The following SBF2 variants were observed in gnomAD, a reference collection of about 807,000 sequenced individuals.
SBF2 encodes SET binding factor 2, also known as myotubularin-related protein 13.
In SBF2, 112 loss-of-function variants were observed where a neutral mutation model predicts 225.2. The observed-to-expected ratio is 0.50, with a 90% CI of 0.43 to 0.58. SBF2 has a LOEUF of 0.58. Among genes scored for constraint, SBF2 ranks in the 20% least tolerant of loss-of-function variants. The pLI, the probability that SBF2 is intolerant of heterozygous loss-of-function variation, is 0.00. For missense variants in SBF2, 1,996 were observed against 2,206.2 expected, an observed-to-expected ratio of 0.90 and a Z score of 1.91; for synonymous variants, 763 against 773.3, an observed-to-expected ratio of 0.99 and a Z score of 0.22.
chr11:9,826,227 A>C (rs555481455), intron 28 of SBF2, among the ~76,000 whole-genome samples: 5 of 152,338 alleles, frequency 3.3e-5, no homozygotes, highest in Middle Eastern at 3.4e-3. Context: ...AAATGATATT[A>C]ATCTCCACAT....
At chr11:9,878,291 T>C (rs1240543331) in intron 17 of SBF2, among the ~76,000 whole-genome samples, 3 of 152,232 alleles carry the variant, frequency 2.0e-5, no homozygotes, top group Admixed American at 2.0e-4. Context: ...TTCTGGATAT[T>C]AGTCCTTTGT....
intron 1 of SBF2, among the ~76,000 whole-genome samples, chr11:10,195,452 A>G (rs1957320401): frequency 6.6e-6 from 1 of 152,190 alleles, no homozygotes; most frequent in African/African-American, 2.4e-5. Flanking sequence ...TAAGATCTTC[A>G]TGTTCCTTGC....
intron 17 of SBF2, among the ~76,000 whole-genome samples, chr11:9,875,329 A>G (rs1859132165): frequency 6.6e-6 from 1 of 152,210 alleles, no homozygotes; most frequent in South Asian, 2.1e-4. Flanking sequence ...CAAGCTCCAG[A>G]GGATCATTTC....
intron 2 of SBF2, among the ~76,000 whole-genome samples, chr11:10,176,251 A>G (rs1956458416): frequency 6.7e-6 from 1 of 150,094 alleles, no homozygotes. Flanking sequence ...AAGATCCAAA[A>G]TTGACACCCT....
At chr11:10,106,329 A>G (rs894797894) in intron 2 of SBF2, among the ~76,000 whole-genome samples, 1 of 152,154 alleles carries the variant, frequency 6.6e-6, no homozygotes, top group Non-Finnish European at 1.5e-5. Context: ...TTAGATACAC[A>G]CCAAAAAACA....
At chr11:10,127,860 C>CT (rs1338635961) in intron 2 of SBF2, among the ~76,000 whole-genome samples, 1 of 152,166 alleles carries the variant, frequency 6.6e-6, no homozygotes, top group African/African-American at 2.4e-5. Context: ...ACTTCTACCA[C>CT]TAAGTAGGCT....
intron 26 of SBF2, among the ~76,000 whole-genome samples, chr11:9,836,940 T>A (rs1023987261): frequency 3.3e-5 from 5 of 152,190 alleles, no homozygotes; most frequent in Non-Finnish European, 7.4e-5. Context: ...AGTGACCTTA[T>A]CAGTGACCTT....
In SBF2 at chr11:10,023,213, T is replaced by C. The variant is rs146657320; in HGVS notation, c.619+5239A>G. Among the ~76,000 whole-genome samples the C allele has an allele frequency of 3.8e-3, 578 of 152,328 alleles. 4 individuals are homozygous for C. Among genetic ancestry groups the C allele is most frequent in the South Asian group, 5.2e-3 (25 of 4,826 alleles). On this transcript the variant is annotated intron_variant, in intron 6 of 39. Coordinates refer to ENST00000256190, the MANE Select transcript of SBF2 (RefSeq NM_030962.4). ...ATATTCTGAGGTAGGTGACAATCCC[T>C]TTTTAATATTATGAATTCATGGATC...
chr11:10,032,010 G>T (rs1447757768), intron 3 of SBF2, among the ~76,000 whole-genome samples: 1 of 152,146 alleles, frequency 6.6e-6, no homozygotes, highest in Non-Finnish European at 1.5e-5. Context: ...CAAAGTGCTG[G>T]ATTATAGGTG....
intron 2 of SBF2, among the ~76,000 whole-genome samples, chr11:10,064,005 T>G (rs943509410): frequency 3.9e-5 from 6 of 152,082 alleles, no homozygotes; most frequent in Non-Finnish European, 8.8e-5. Flanking sequence ...TAATACCAGA[T>G]GCAAATATGA....
At chr11:9,948,981 C>G (rs1445633360) in intron 16 of SBF2, among the ~76,000 whole-genome samples, 2 of 152,022 alleles carry the variant, frequency 1.3e-5, no homozygotes, top group African/African-American at 4.8e-5. Flanking sequence ...TGTTTATAAG[C>G]ATAAGGCCCA....
At chr11:10,018,994 A>G (rs1948747592) in intron 6 of SBF2, among the ~76,000 whole-genome samples, 1 of 152,154 alleles carries the variant, frequency 6.6e-6, no homozygotes, top group Non-Finnish European at 1.5e-5. Flanking sequence ...CTAGCAAGTA[A>G]GAGTTTGCTC....
At chr11:10,197,430 G>A (rs192358131) in intron 1 of SBF2, among the ~76,000 whole-genome samples, 31 of 152,328 alleles carry the variant, frequency 2.0e-4, no homozygotes, top group African/African-American at 6.7e-4. Flanking sequence ...GTGCAACAGC[G>A]TTACGCCTAA....
At chr11:9,920,221 C>CAA (rs1351998842) in intron 16 of SBF2, among the ~76,000 whole-genome samples, 9 of 147,206 alleles carry the variant, frequency 6.1e-5, no homozygotes, top group African/African-American at 2.3e-4. Flanking sequence ...TATATATATA[C>CAA]ACACACATAT....
chr11:9,905,362 G>A (rs1862039995), intron 16 of SBF2, among the ~76,000 whole-genome samples: 1 of 152,214 alleles, frequency 6.6e-6, no homozygotes, highest in Non-Finnish European at 1.5e-5. Flanking sequence ...ATACAAAGCT[G>A]AAAGAACAGT....
At chr11:9,796,637 G>C (rs961003951) in intron 32 of SBF2, among the ~76,000 whole-genome samples, 8 of 152,152 alleles carry the variant, frequency 5.3e-5, no homozygotes, top group Non-Finnish European at 1.2e-4. Flanking sequence ...AAGAGAATAA[G>C]ATCCTGGGAA....
chr11:10,094,349 A>T (rs914688072), intron 2 of SBF2, among the ~76,000 whole-genome samples: 1 of 152,092 alleles, frequency 6.6e-6, no homozygotes, highest in Non-Finnish European at 1.5e-5. Context: ...ATATATATTA[A>T]CTTTTTATTC....
chr11:10,021,264 T>C (rs915072267), intron 6 of SBF2, among the ~76,000 whole-genome samples: 2 of 152,140 alleles, frequency 1.3e-5, no homozygotes, highest in African/African-American at 4.8e-5. Flanking sequence ...ACAAGATTAT[T>C]TGGGGCAGGG....
In SBF2 at chr11:9,787,643, T is replaced by C; in HGVS notation, c.5028A>G (p.Arg1676=). ...GGCATTGCCAACTCACGCGATCTGT[T>C]CTTGGTTCTTCTTTAAGGTCCACGG... The part of the protein sequence containing the change: ...RVTVDLKEEP[R]TDRSQRHLSR... The change falls in exon 36 of 40, where the codon AGA becomes AGG. Residue 1676 remains arginine, a synonymous_variant. Transcript: ENST00000256190. 6.2e-7 allele frequency: 1 copy of C among 1,614,032 alleles called. No homozygotes were observed.
Sources: gnomAD v4.1 joint callset for allele counts (sites outside exome capture counted in the v4.1 genomes callset) on GRCh38, gnomAD v4.1.1 for gene constraint, MANE v1.5 for transcripts, NCBI Gene and HGNC (gene_info 2026-07-23, HGNC 2026-07-21) for gene names.